CSMD1: variants seen among roughly 807,000 people sequenced by gnomAD.
CSMD1 encodes the protein CUB and sushi domain-containing protein 1.
A neutral mutation model predicts 417.5 loss-of-function variants in CSMD1; 213 were observed. The observed-to-expected ratio is 0.51, with a 90% confidence interval of 0.46 to 0.57. The LOEUF is 0.57. Ranked by LOEUF, CSMD1 falls within the 20% of genes least tolerant of loss-of-function variation. CSMD1 has a pLI of 0.00. For synonymous variants in CSMD1, 2,862 were observed against 1,736.8 expected (o/e 1.65, Z -16.11); for missense variants, 6,923 against 4,529.7 (o/e 1.53, Z -15.17).
At position 4,583,604 on chromosome 8, in the gene CSMD1, T is replaced by G. The variant is rs576331410; in HGVS notation, c.302+53738A>C. ...GGTTTGTGAGTGCACCAATGGACAC[T>G]GTATCTAGCTGCTCTGGTGGGGCCT... On this transcript the variant is annotated intron_variant, in intron 2 of 69. Transcript: ENST00000635120. Among the ~76,000 whole-genome samples, 5 of 152,206 alleles carry G rather than the reference T, an allele frequency of 3.3e-5. No homozygotes were observed. In the South Asian group the frequency reaches 8.3e-4, roughly 25 times the overall value.
At chr8:4,279,812 G>C (rs1796680794) in intron 3 of CSMD1, among the ~76,000 whole-genome samples, 1 of 152,156 alleles carries the variant, frequency 6.6e-6, no homozygotes, top group Non-Finnish European at 1.5e-5. Flanking sequence ...ATGTCTTTTT[G>C]ATGATAAAAA....
At chr8:4,144,749 C>G (rs972731559) in intron 3 of CSMD1, among the ~76,000 whole-genome samples, 3 of 151,064 alleles carry the variant, frequency 2.0e-5, no homozygotes, top group African/African-American at 7.4e-5. Context: ...CTAGAGACTT[C>G]TCAGACATAG....
At chr8:3,042,398 C>G (rs188074903) in intron 50 of CSMD1, among the ~76,000 whole-genome samples, 1 of 152,250 alleles carries the variant, frequency 6.6e-6, no homozygotes, top group African/African-American at 2.4e-5. Context: ...AGCACAGAGA[C>G]ATTTCCTTTT....
At chr8:2,975,606 T>G (rs899086089) in intron 55 of CSMD1, among the ~76,000 whole-genome samples, 1 of 152,168 alleles carries the variant, frequency 6.6e-6, no homozygotes, top group Non-Finnish European at 1.5e-5. Flanking sequence ...TTTATCCACA[T>G]AGAGTCCTTA....
At chr8:4,866,944 C>T (rs538758274) in intron 1 of CSMD1, among the ~76,000 whole-genome samples, 1 of 151,972 alleles carries the variant, frequency 6.6e-6, no homozygotes, top group African/African-American at 2.4e-5. Flanking sequence ...TACTTTTGCA[C>T]CAACCTATAT....
Position 4,077,826 on chromosome 8 carries a change from T to C in CSMD1, c.416-45727A>G, listed in dbSNP as rs539231671. 9.9e-5 allele frequency among the ~76,000 whole-genome samples: 15 copies of C among 152,272 alleles called. No individual in the cohort carries two copies. In the South Asian group the frequency reaches 3.1e-3, roughly 32 times the overall value. ...ACTCTGTTCCATGGGAATTTTCAGA[T>C]ACATAAACCAAATTGAGCCTAAATA... On this transcript the variant is annotated intron_variant, in intron 3 of 69. Coordinates refer to ENST00000635120, the MANE Select transcript of CSMD1 (RefSeq NM_033225.6).
chr8:3,468,848 G>C (rs767230671), intron 11 of CSMD1, 24 bp from the exon 12 acceptor site: 29 of 1,506,994 alleles, frequency 1.9e-5, no homozygotes, highest in Non-Finnish European at 2.2e-5. Flanking sequence ...AAATGTCAAA[G>C]CTTTTAGGTA....
chr8:3,261,226 A>G (rs186542797), intron 26 of CSMD1, among the ~76,000 whole-genome samples: 124 of 152,362 alleles, frequency 8.1e-4, no homozygotes, highest in African/African-American at 2.9e-3. Flanking sequence ...CAAATGTTGC[A>G]TAGGAGGCAG....
At chr8:4,844,341 T>G (rs1204725245) in intron 1 of CSMD1, among the ~76,000 whole-genome samples, 1 of 152,142 alleles carries the variant, frequency 6.6e-6, no homozygotes, top group East Asian at 1.9e-4. Flanking sequence ...TTGTTTTTTT[T>G]GCAGAAAAGA....
chr8:3,179,034 G>A (rs962507395), intron 37 of CSMD1, among the ~76,000 whole-genome samples: 14 of 148,780 alleles, frequency 9.4e-5, no homozygotes, highest in Admixed American at 2.7e-4. Context: ...TGCAAGCTCT[G>A]CCTCCCGGGT....
intron 3 of CSMD1, among the ~76,000 whole-genome samples, chr8:4,354,388 T>C (rs976174249): frequency 2.6e-5 from 4 of 152,166 alleles, no homozygotes; most frequent in African/African-American, 7.2e-5. Flanking sequence ...TTCGTAACTA[T>C]TAAAATACAC....
chr8:3,500,949 A>G (rs1482471649), intron 10 of CSMD1, among the ~76,000 whole-genome samples: 1 of 152,230 alleles, frequency 6.6e-6, no homozygotes, highest in Non-Finnish European at 1.5e-5. Flanking sequence ...CAAGAGAATA[A>G]GAATGATTCA....
At position 4,303,515 on chromosome 8, in the gene CSMD1, T is replaced by C. The variant is rs139960672; in HGVS notation, c.415+116438A>G. On this transcript the variant is annotated intron_variant, in intron 3 of 69. Coordinates refer to ENST00000635120, the MANE Select transcript of CSMD1 (RefSeq NM_033225.6). Reference sequence around the variant, plus strand: ...ATCTCCTTACCATCTCTAGCACGTCTATATTCAAAGATTCTGTAAAAGGAA... The same window carrying C: ...ATCTCCTTACCATCTCTAGCACGTCCATATTCAAAGATTCTGTAAAAGGAA... Among the ~76,000 whole-genome samples the C allele has an allele frequency of 6.9e-3, 1,014 of 147,602 alleles. 13 individuals carry two copies. Among genetic ancestry groups the C allele is most frequent in the African/African-American group, 0.024 (964 of 40,080 alleles).
chr8:2,991,630 A>T (rs1806395468), intron 54 of CSMD1, among the ~76,000 whole-genome samples: 1 of 152,248 alleles, frequency 6.6e-6, no homozygotes, highest in Non-Finnish European at 1.5e-5. Context: ...TTGTTAATTA[A>T]TTGATTAATG....
At chr8:3,729,143 T>C (rs1401017641) in intron 6 of CSMD1, among the ~76,000 whole-genome samples, 1 of 152,224 alleles carries the variant, frequency 6.6e-6, no homozygotes, top group Non-Finnish European at 1.5e-5. Flanking sequence ...AACTCACTTG[T>C]GGAACATTTA....
chr8:4,712,034 A>G (rs888494757), intron 1 of CSMD1, among the ~76,000 whole-genome samples: 3 of 152,152 alleles, frequency 2.0e-5, no homozygotes, highest in Non-Finnish European at 2.9e-5. Context: ...TCTAGAAGAG[A>G]TTTTCTCAGG....
At chr8:4,214,442 C>T (rs1477643330) in intron 3 of CSMD1, among the ~76,000 whole-genome samples, 3 of 152,154 alleles carry the variant, frequency 2.0e-5, no homozygotes, top group African/African-American at 7.2e-5. Flanking sequence ...AGACTGCAGG[C>T]ATGCACCACC....
chr8:4,989,873 C>G (rs1219332977), intron 1 of CSMD1, among the ~76,000 whole-genome samples: 4 of 152,186 alleles, frequency 2.6e-5, no homozygotes, highest in African/African-American at 7.2e-5. Flanking sequence ...ATTTTCTTGA[C>G]ATTTTTAAAG....
At chr8:3,763,378 C>G (rs1038005413) in intron 5 of CSMD1, among the ~76,000 whole-genome samples, 1 of 152,014 alleles carries the variant, frequency 6.6e-6, no homozygotes, top group Admixed American at 6.6e-5. Flanking sequence ...ATGGCTGGTG[C>G]CTTCCCCATG....
Sources: gnomAD v4.1 joint callset for allele counts (sites outside exome capture counted in the v4.1 genomes callset) on GRCh38, gnomAD v4.1.1 for gene constraint, MANE v1.5 for transcripts, NCBI Gene and HGNC (gene_info 2026-07-23, HGNC 2026-07-21) for gene names.